The following CATSPERE variants were observed in gnomAD, a reference collection of about 807,000 sequenced individuals.
CATSPERE encodes cation channel sperm-associated auxiliary subunit epsilon.
CATSPERE carries 93 observed loss-of-function variants against 114.1 expected under a neutral mutation model. The ratio of observed to expected loss-of-function variants is 0.81; its 90% CI spans 0.69 to 0.97. The LOEUF is 0.97. Among genes scored for constraint, CATSPERE ranks in the 50% least tolerant of loss-of-function variants. The probability of loss-of-function intolerance (pLI) is 0.00; values close to 1 mark genes in which losing one functional copy is unlikely to be tolerated. For synonymous variants in CATSPERE, 341 were observed against 384.1 expected (o/e 0.89, Z 1.31); for missense variants, 1,058 against 1,131.6 (o/e 0.93, Z 0.93).
At chr1:244,594,298 C>A (rs1202268441) in intron 17 of CATSPERE, among the ~76,000 whole-genome samples, 2 of 152,134 alleles carry the variant, frequency 1.3e-5, no homozygotes, top group Admixed American at 6.5e-5. Flanking sequence ...CCAGCCTGGG[C>A]AACAGAGTGA....
chr1:244,532,680 C>G (rs558682681), intron 8 of CATSPERE, among the ~76,000 whole-genome samples: 1 of 147,038 alleles, frequency 6.8e-6, no homozygotes, highest in Admixed American at 6.6e-5. Flanking sequence ...CAAAATTCCT[C>G]TTGTTATTGA....
At chr1:244,579,816 T>TA (rs1228267629) in intron 11 of CATSPERE, among the ~76,000 whole-genome samples, 1 of 152,224 alleles carries the variant, frequency 6.6e-6, no homozygotes, top group Non-Finnish European at 1.5e-5. Flanking sequence ...AAATTGGGAA[T>TA]AATAGTAATG....
chr1:244,594,332 C>T (rs910594950), intron 17 of CATSPERE, among the ~76,000 whole-genome samples: 5 of 151,962 alleles, frequency 3.3e-5, no homozygotes, highest in East Asian at 3.9e-4. Context: ...AAAACAAAAA[C>T]GAATAATATT....
At chr1:244,464,364 T>TA (rs1667264215) in intron 2 of CATSPERE, among the ~76,000 whole-genome samples, 1 of 152,200 alleles carries the variant, frequency 6.6e-6, no homozygotes, top group Admixed American at 6.5e-5. Context: ...ATTCAACACT[T>TA]TCTACTTCAT....
chr1:244,539,007 C>T (rs1165095944), intron 8 of CATSPERE, among the ~76,000 whole-genome samples: 1 of 152,170 alleles, frequency 6.6e-6, no homozygotes, highest in African/African-American at 2.4e-5. Flanking sequence ...ACGTCGCTAG[C>T]CAGCTTCCCC....
At chr1:244,455,695 T>G (rs558861675) in intron 1 of CATSPERE, among the ~76,000 whole-genome samples, 1 of 152,210 alleles carries the variant, frequency 6.6e-6, no homozygotes, top group African/African-American at 2.4e-5. Context: ...TTCCTCCACT[T>G]TTTTGTTTTG....
At chr1:244,623,791 C>G (rs191402848) in intron 20 of CATSPERE, among the ~76,000 whole-genome samples, 8 of 152,300 alleles carry the variant, frequency 5.3e-5, no homozygotes, top group African/African-American at 1.9e-4. Flanking sequence ...TGCACATTGT[C>G]TAAAAAATAT....
chr1:244,526,733 C>A (rs1678683783), intron 8 of CATSPERE, among the ~76,000 whole-genome samples: 1 of 151,318 alleles, frequency 6.6e-6, no homozygotes, highest in African/African-American at 2.4e-5. Flanking sequence ...ACCACAACCT[C>A]AAACTCCTAG....
chr1:244,622,639 A>G (rs1672550439), intron 20 of CATSPERE, among the ~76,000 whole-genome samples: 1 of 152,094 alleles, frequency 6.6e-6, no homozygotes, highest in Non-Finnish European at 1.5e-5. Context: ...TTCCTAAGGA[A>G]TCTGAGCTCT....
intron 17 of CATSPERE, among the ~76,000 whole-genome samples, 182 bp downstream of exon 17, chr1:244,593,760 G>C (rs531385551): frequency 6.6e-6 from 1 of 152,140 alleles, no homozygotes; most frequent in Non-Finnish European, 1.5e-5. Context: ...GCATGTTGAG[G>C]GACATCACTA....
chr1:244,465,821 G>A (rs939558996), intron 2 of CATSPERE, among the ~76,000 whole-genome samples: 5 of 152,120 alleles, frequency 3.3e-5, no homozygotes, highest in African/African-American at 1.2e-4. Flanking sequence ...CATAGTAACT[G>A]GTATCATTAT....
intron 10 of CATSPERE, among the ~76,000 whole-genome samples, chr1:244,569,023 T>G (rs1664040425): frequency 6.6e-6 from 1 of 152,200 alleles, no homozygotes; most frequent in South Asian, 2.1e-4. Flanking sequence ...TCTCCTGGTC[T>G]GTGGGTGGCA....
chr1:244,531,160 C>T (rs1291249682), intron 8 of CATSPERE, among the ~76,000 whole-genome samples: 1 of 148,784 alleles, frequency 6.7e-6, no homozygotes, highest in Non-Finnish European at 1.5e-5. Context: ...CGCTTAAATC[C>T]AGGAGGCGGA....
At chr1:244,559,953 T>G (rs1190771156) in intron 9 of CATSPERE, among the ~76,000 whole-genome samples, 1 of 152,212 alleles carries the variant, frequency 6.6e-6, no homozygotes, top group Non-Finnish European at 1.5e-5. Flanking sequence ...AAAAATATAT[T>G]GAAACAAATC....
At chr1:244,621,205 AT>A (rs1672245968) in intron 20 of CATSPERE, among the ~76,000 whole-genome samples, 2 of 4,208 alleles carry the variant, frequency 4.8e-4, no homozygotes, top group African/African-American at 8.8e-4. Context: ...TTATATAGAT[AT>A]ATTTATATAT....
At chr1:244,465,016 T>C (rs1457361902) in intron 2 of CATSPERE, among the ~76,000 whole-genome samples, 1 of 151,136 alleles carries the variant, frequency 6.6e-6, no homozygotes, top group East Asian at 1.9e-4. Context: ...CTTTGCCTTA[T>C]GATTTAAACT....
At chr1:244,600,832 T>G (rs1374418155) in intron 17 of CATSPERE, among the ~76,000 whole-genome samples, 1 of 150,890 alleles carries the variant, frequency 6.6e-6, no homozygotes. Flanking sequence ...AATCCAGAGA[T>G]ATAGGATCCT....
intron 9 of CATSPERE, among the ~76,000 whole-genome samples, chr1:244,555,164 A>T (rs1417556873): frequency 1.3e-5 from 2 of 152,146 alleles, no homozygotes; most frequent in Non-Finnish European, 2.9e-5. Flanking sequence ...AGGAGGGCAG[A>T]TCATGAGGTC....
At chr1:244,515,241 C>A in intron 7 of CATSPERE, 1 of 707,904 alleles carries the variant, frequency 1.4e-6, no homozygotes, top group Non-Finnish European at 1.7e-6. Flanking sequence ...CCTCTCCCAC[C>A]TCAGGGACTT....
Sources: gnomAD v4.1 joint callset for allele counts (sites outside exome capture counted in the v4.1 genomes callset) on GRCh38, gnomAD v4.1.1 for gene constraint, MANE v1.5 for transcripts, NCBI Gene and HGNC (gene_info 2026-07-23, HGNC 2026-07-21) for gene names.